The following CUBN variants were observed in gnomAD, a reference collection of about 807,000 sequenced individuals.
CUBN encodes 460 kDa receptor.
A neutral mutation model predicts 405.3 loss-of-function variants in CUBN; 282 were observed. That is an observed-to-expected ratio of 0.70 (90% CI 0.63 to 0.77). The LOEUF is 0.77. CUBN is among the 30% of genes least tolerant of loss of function. CUBN has a pLI of 0.00. For missense variants in CUBN, 4,514 were observed against 4,475.2 expected, an observed-to-expected ratio of 1.01 and a Z score of -0.25; for synonymous variants, 1,684 against 1,617.0, an observed-to-expected ratio of 1.04 and a Z score of -0.99.
At chr10:17,000,186 G>C (rs1833839549) in intron 28 of CUBN, among the ~76,000 whole-genome samples, 1 of 152,160 alleles carries the variant, frequency 6.6e-6, no homozygotes, top group Non-Finnish European at 1.5e-5. Context: ...TCTGGGAGCA[G>C]CTACCCTTTT....
chr10:16,950,134 C>T, intron 33 of CUBN, 23 bp from the exon 34 acceptor site: 1 of 1,557,982 alleles, frequency 6.4e-7, no homozygotes. Context: ...AGAGAAGACT[C>T]TCTCGTAAAG....
chr10:17,111,125 T>A, intron 8 of CUBN, 75 bp from the exon 9 acceptor site: 1 of 1,498,576 alleles, frequency 6.7e-7, no homozygotes, highest in South Asian at 1.1e-5. Context: ...AGTCAAAACA[T>A]ATAAAAACCT....
At chr10:17,122,563 T>C in intron 6 of CUBN, 1 of 576,406 alleles carries the variant, frequency 1.7e-6, no homozygotes, top group East Asian at 4.1e-5. Flanking sequence ...TCCGGTTCCT[T>C]GGGGATGTTA....
At chr10:16,831,025 T>G (rs1485935815) in intron 65 of CUBN, among the ~76,000 whole-genome samples, 1 of 151,868 alleles carries the variant, frequency 6.6e-6, no homozygotes, top group African/African-American at 2.4e-5. Context: ...AGGTGGAGGT[T>G]GCAGTGAGCT....
rs35530629 is a variant in CUBN, at chr10:17,122,773, CA to C, written c.593+21del. 195,942 of 1,181,478 alleles carry C rather than the reference CA, an allele frequency of 0.17. 4 individuals are homozygous for C. Among genetic ancestry groups the C allele is most frequent in the East Asian group, 0.23 (8,145 of 34,998 alleles). 73.2% of individuals were successfully genotyped at this position (1,181,478 alleles called of 1,614,324 possible). On this transcript the variant is annotated intron_variant, in intron 6 of 66. Transcript: ENST00000377833. Reference sequence around the variant, plus strand: ...CCTTCAAAAATATACTGATATTTACCAAAAAAAAAAAAAAAAGTTACCTGTA... The same window carrying C: ...CCTTCAAAAATATACTGATATTTACCAAAAAAAAAAAAAAAGTTACCTGTA...
intron 31 of CUBN, among the ~76,000 whole-genome samples, chr10:16,961,691 G>A (rs951513788): frequency 1.9e-4 from 28 of 150,086 alleles, no homozygotes; most frequent in Non-Finnish European, 3.5e-4. Context: ...CCTTTTAGAG[G>A]GAAAAGCAAT....
In CUBN at chr10:17,068,746, A is replaced by G; in HGVS notation, c.2650T>C (p.Ser884Pro). The G allele has an allele frequency of 6.2e-7, 1 of 1,612,332 alleles. No homozygotes were observed. Among genetic ancestry groups the G allele is most frequent in the Non-Finnish European group, 8.5e-7 (1 of 1,178,596 alleles). Reference sequence around the variant, plus strand: ...CCGCAATACTTTTTATTTTCAGGAGAACCCAAAATGGAACTGCTACCAATC... The same window carrying G: ...CCGCAATACTTTTTATTTTCAGGAGGACCCAAAATGGAACTGCTACCAATC... ...VEIGSSSILG[S>P]PENKKYCGTD... is the part of the protein sequence containing the mutation. The change falls in exon 20 of 67, where the codon TCT becomes CCT. Residue 884 changes from serine (S) to proline (P), a missense_variant. This residue lies in a region of CUBN where 1,448 missense variants were observed against 1,388.0 expected (regional missense o/e 1.04). Coordinates refer to ENST00000377833, the MANE Select transcript of CUBN (RefSeq NM_001081.4).
chr10:16,910,045 C>CT (rs143089302), intron 48 of CUBN, among the ~76,000 whole-genome samples: 3 of 152,176 alleles, frequency 2.0e-5, no homozygotes, highest in South Asian at 2.1e-4. Flanking sequence ...TCACTCTTTT[C>CT]TTTTTTTTCT....
chr10:16,960,242 A>T (rs1416919188), intron 31 of CUBN, among the ~76,000 whole-genome samples: 1 of 152,232 alleles, frequency 6.6e-6, no homozygotes. Context: ...CTGTAATCCC[A>T]GCACTTTGGG....
rs748833049 is a variant in CUBN at position 17,065,527 on chromosome 10, T to G, written c.3120A>C (p.Glu1040Asp). ...LAYEGFLINYEAISAATACLQ... is the reference protein window; with the variant it reads ...LAYEGFLINYDAISAATACLQ... The stretch of plus-strand genomic sequence containing the variant: ...TGTTACCTGTTGCTGCACTGATTGC[T>G]TCATAGTTTATTAAGAAGCCTTCAT... Residue 1040 changes from glutamate to aspartate, a missense_variant, in exon 22 of 67, where the codon GAA (glutamate) becomes GAC (aspartate). By Grantham distance (45) the Glu-to-Asp change is conservative. This residue lies in a region of CUBN where 1,448 missense variants were observed against 1,388.0 expected (regional missense o/e 1.04). Coordinates refer to ENST00000377833, the MANE Select transcript of CUBN (RefSeq NM_001081.4). The G allele has an allele frequency of 1.9e-6, 3 of 1,613,472 alleles. No individual in the cohort carries two copies. Among genetic ancestry groups the G allele is most frequent in the Non-Finnish European group, 2.5e-6 (3 of 1,179,504 alleles).
chr10:16,928,777 C>G (rs1842283251), intron 40 of CUBN, among the ~76,000 whole-genome samples: 1 of 152,048 alleles, frequency 6.6e-6, no homozygotes, highest in East Asian at 1.9e-4. Flanking sequence ...GTGATCCGCC[C>G]TCCTCAGCCT....
chr10:16,891,480 G>A (rs1345393883), intron 54 of CUBN, among the ~76,000 whole-genome samples: 2 of 152,124 alleles, frequency 1.3e-5, no homozygotes, highest in Admixed American at 1.3e-4. Flanking sequence ...AGCCTGCAGA[G>A]GGGGCTGCAG....
chr10:17,129,341 C>T (rs1837268610), intron 1 of CUBN, 91 bp from the exon 2 acceptor site: 2 of 1,384,618 alleles, frequency 1.4e-6, no homozygotes, highest in African/African-American at 1.4e-5. Flanking sequence ...TAACTACAGG[C>T]CAAATACATC....
At chr10:16,974,298 G>A (rs985769333) in intron 31 of CUBN, among the ~76,000 whole-genome samples, 3 of 152,188 alleles carry the variant, frequency 2.0e-5, no homozygotes, top group Non-Finnish European at 2.9e-5. Flanking sequence ...TTTCTTAGCT[G>A]AAGCACTGTG....
At chr10:16,829,076 A>G (rs747285280) in intron 65 of CUBN, 36 bp from the exon 66 acceptor site, 9 of 1,519,842 alleles carry the variant, frequency 5.9e-6, no homozygotes, top group Non-Finnish European at 8.2e-6. Flanking sequence ...TTGATTCAAC[A>G]GCATATAAGC....
intron 59 of CUBN, among the ~76,000 whole-genome samples, chr10:16,868,767 AC>A (rs909541765): frequency 4.6e-5 from 7 of 152,016 alleles, no homozygotes; most frequent in Admixed American, 2.0e-4. Context: ...AACTTTACCT[AC>A]CCCCGCTACA....
intron 36 of CUBN, among the ~76,000 whole-genome samples, chr10:16,940,648 G>A (rs1005322445): frequency 1.3e-5 from 2 of 152,202 alleles, no homozygotes; most frequent in African/African-American, 2.4e-5. Flanking sequence ...TGAGCTGGAT[G>A]TAAGCACTAT....
intron 22 of CUBN, among the ~76,000 whole-genome samples, chr10:17,056,502 G>A (rs1461945986): frequency 1.3e-5 from 2 of 152,010 alleles, no homozygotes; most frequent in East Asian, 3.9e-4. Flanking sequence ...CCAGCTACTC[G>A]GGAGGCTGAG....
chr10:16,983,286 G>A (rs1283208475), intron 30 of CUBN, among the ~76,000 whole-genome samples: 1 of 152,120 alleles, frequency 6.6e-6, no homozygotes, highest in Non-Finnish European at 1.5e-5. Flanking sequence ...GTGTGTGTGT[G>A]TGTTTATTTA....
Sources: gnomAD v4.1 joint callset for allele counts (sites outside exome capture counted in the v4.1 genomes callset) on GRCh38, gnomAD v4.1.1 for gene constraint, gnomAD v4.1.1 regional missense constraint, MANE v1.5 for transcripts, NCBI Gene and HGNC (gene_info 2026-07-23, HGNC 2026-07-21) for gene names.